Variants in C1orf94 observed in about 807,000 individuals in gnomAD.
C1orf94 encodes uncharacterized protein C1orf94.
In C1orf94, 45 loss-of-function variants were observed where a neutral mutation model predicts 53.6. The observed-to-expected ratio is 0.84, with a 90% confidence interval of 0.66 to 1.08. The LOEUF is 1.08. C1orf94 is among the 50% of genes least tolerant of loss of function. The pLI, the probability that C1orf94 is intolerant of heterozygous loss-of-function variation, is 0.00. For missense variants in C1orf94, 762 were observed against 738.9 expected (o/e 1.03, Z -0.36); for synonymous variants, 304 against 296.1 (o/e 1.03, Z -0.27).
At chr1:34,196,638 G>A (rs187793046) in intron 1 of C1orf94, among the ~76,000 whole-genome samples, 1 of 152,302 alleles carries the variant, frequency 6.6e-6, no homozygotes, top group Non-Finnish European at 1.5e-5. Flanking sequence ...CTAGTAATGA[G>A]AGGAGGAGAC....
intron 1 of C1orf94, among the ~76,000 whole-genome samples, chr1:34,185,963 AC>A (rs1358620430): frequency 6.6e-6 from 1 of 152,092 alleles, no homozygotes; most frequent in Non-Finnish European, 1.5e-5. Context: ...TTATTCCACT[AC>A]CAGGAATGCC....
At chr1:34,168,892 T>TG (rs549937441) in intron 1 of C1orf94, among the ~76,000 whole-genome samples, 2,371 of 152,046 alleles carry the variant, frequency 0.016, 24 homozygotes, top group Non-Finnish European at 0.023. Context: ...TGAATTTGGG[T>TG]GGGGGGGCAC....
rs1642250571 is a variant in C1orf94, at chr1:34,177,708, A to T, written c.-82A>T. The stretch of plus-strand genomic sequence containing the variant: ...TCCCACACAAATAGAAGGCCTCTGA[A>T]CCTAACCACCTTGCTGGAGCGAAAG... On this transcript the variant is annotated 5_prime_UTR_variant, in exon 1 of 7. Transcript: ENST00000488417. 1 of 1,340,172 alleles carries T rather than the reference A, an allele frequency of 7.5e-7. No individual in the cohort carries two copies. The highest frequency in any genetic ancestry group is 2.7e-5 in the Admixed American group (1 of 36,388). The allele number at this position is 1,340,172 out of a possible 1,614,324, so 83.0% of individuals were successfully genotyped here.
Position 34,176,924 on chromosome 1 carries a change from G to T in C1orf94, c.-866G>T, listed in dbSNP as rs1348470045. Among the ~76,000 whole-genome samples, 3 of 151,912 alleles carry T rather than the reference G, an allele frequency of 2.0e-5. No individual in the cohort carries two copies. Among genetic ancestry groups the T allele is most frequent in the African/African-American group, 4.8e-5 (2 of 41,364 alleles). On this transcript the variant is annotated 5_prime_UTR_variant, in exon 1 of 7. Transcript: ENST00000488417. ...GGCGCCCCGCGCACCGAGCCGTTGC[G>T]TTTGAAACCCACAGAAAGAATTCCC... is the stretch of plus-strand genomic sequence containing the variant.
intron 1 of C1orf94, among the ~76,000 whole-genome samples, chr1:34,191,177 T>C (rs1420881598): frequency 6.6e-6 from 1 of 152,142 alleles, no homozygotes; most frequent in East Asian, 1.9e-4. Context: ...TACCAAAGAG[T>C]ATGGATACAG....
Position 34,212,582 on chromosome 1 carries a change from A to G in C1orf94, c.1721+176A>G, listed in dbSNP as rs368250996. 7.9e-5 allele frequency among the ~76,000 whole-genome samples: 12 copies of G among 152,184 alleles called. No individual in the cohort carries two copies. The East Asian group carries it at 1.9e-3, about 25-fold the overall frequency. ...GGTCCTGGAGGGACCTGGTGCAGAG[A>G]TGAAGAGGGTCTGGGGCCTGGTGGG... On this transcript the variant is annotated intron_variant, in intron 6 of 6. Coordinates refer to ENST00000488417, the MANE Select transcript of C1orf94 (RefSeq NM_001134734.2).
At chr1:34,184,543 G>C (rs896858876) in intron 1 of C1orf94, among the ~76,000 whole-genome samples, 2 of 152,198 alleles carry the variant, frequency 1.3e-5, no homozygotes, top group Non-Finnish European at 2.9e-5. Context: ...ATCTGTTTAA[G>C]CATTTTTTGA....
chr1:34,208,353 C>T (rs1557488975), intron 5 of C1orf94, 119 bp downstream of exon 5: 2 of 993,496 alleles, frequency 2.0e-6, no homozygotes, highest in Non-Finnish European at 3.0e-6. Flanking sequence ...ACCATTGGCT[C>T]TGGAGTACAG....
intron 1 of C1orf94, among the ~76,000 whole-genome samples, chr1:34,170,314 G>A (rs1265508081): frequency 6.6e-6 from 1 of 152,164 alleles, no homozygotes; most frequent in African/African-American, 2.4e-5. Context: ...AGAGTTTATT[G>A]AGAACAGCGT....
intron 2 of C1orf94, 89 bp from the exon 3 acceptor site, chr1:34,200,683 G>C: frequency 6.5e-7 from 1 of 1,544,664 alleles, no homozygotes; most frequent in Non-Finnish European, 8.8e-7. Context: ...GTGCTGCAGA[G>C]GATTCATCAT....
chr1:34,201,007 G>A lies in C1orf94; in HGVS notation c.1245G>A (p.Val415=). ...GGCAGCCGAGACTTCGAAACAAAGTGGAAGTGGATGGGCCGGAGCTGAAAT... is the reference window on the plus strand; with the variant it reads ...GGCAGCCGAGACTTCGAAACAAAGTAGAAGTGGATGGGCCGGAGCTGAAAT... ...PSGQPRLRNK[V]EVDGPELKFN... The change falls in exon 3 of 7, where the codon GTG becomes GTA. Residue 415 remains valine, a synonymous_variant. Transcript: ENST00000488417. The A allele has an allele frequency of 6.2e-7, 1 of 1,604,330 alleles. No homozygotes were observed. Among genetic ancestry groups the A allele is most frequent in the Middle Eastern group, 1.7e-4 (1 of 6,042 alleles).
chr1:34,209,101 G>A (rs1324299798), intron 5 of C1orf94, among the ~76,000 whole-genome samples: 1 of 152,148 alleles, frequency 6.6e-6, no homozygotes, highest in South Asian at 2.1e-4. Flanking sequence ...TGGGTGTCCT[G>A]TATTTTTATT....
At chr1:34,168,404 G>A (rs1379915998) in intron 1 of C1orf94, among the ~76,000 whole-genome samples, 1 of 152,166 alleles carries the variant, frequency 6.6e-6, no homozygotes, top group Admixed American at 6.6e-5. Context: ...GGGGCCAGGA[G>A]GAGGAGGATG....
upstream of C1orf94, among the ~76,000 whole-genome samples, chr1:34,175,950 G>A (rs1485882557): frequency 6.6e-6 from 1 of 152,026 alleles, no homozygotes; most frequent in Non-Finnish European, 1.5e-5. Flanking sequence ...CAACCTAATA[G>A]TTATTTTCCA....
chr1:34,208,632 C>A (rs1642840096), intron 5 of C1orf94, among the ~76,000 whole-genome samples: 1 of 152,208 alleles, frequency 6.6e-6, no homozygotes, highest in African/African-American at 2.4e-5. Flanking sequence ...ATAACCGCCA[C>A]ATCTCGGGGA....
At chr1:34,189,622 G>T (rs1642449741) in intron 1 of C1orf94, among the ~76,000 whole-genome samples, 1 of 148,290 alleles carries the variant, frequency 6.7e-6, no homozygotes, top group Admixed American at 6.7e-5. Flanking sequence ...GCCTGAGCCA[G>T]GGTGGGCTCC....
upstream of C1orf94, among the ~76,000 whole-genome samples, chr1:34,176,265 A>G (rs999473715): frequency 6.6e-6 from 1 of 152,116 alleles, no homozygotes; most frequent in Non-Finnish European, 1.5e-5. Flanking sequence ...ATTTGTGTCC[A>G]TTCTTCTTTC....
At position 34,197,425 on chromosome 1, in the gene C1orf94, C is replaced by T. The variant is rs1268999019; in HGVS notation, c.521C>T (p.Pro174Leu). The T allele has an allele frequency of 6.2e-7, 1 of 1,613,948 alleles. No homozygotes were observed. Among genetic ancestry groups the T allele is most frequent in the Admixed American group, 1.7e-5 (1 of 60,014 alleles). Residue 174 changes from proline to leucine, a missense_variant, in exon 2 of 7, where the codon CCC becomes CTC. By Grantham distance (98) the Pro-to-Leu change is moderately conservative. Transcript: ENST00000488417. This position sits in a 1 kb window ranked among gnomAD's most constrained non-coding sequence, Gnocchi z 4.1. ...PPLVAGSNER[P>L]RASIIVGDKL... ...CTAGTGGCAGGCAGTAATGAGCGCC[C>T]CAGAGCCTCCATCATTGTCGGAGAC... is the stretch of plus-strand genomic sequence containing the variant.
intron 6 of C1orf94, among the ~76,000 whole-genome samples, chr1:34,214,022 C>T (rs1642943039): frequency 6.6e-6 from 1 of 152,188 alleles, no homozygotes; most frequent in Non-Finnish European, 1.5e-5. Flanking sequence ...TGAATTTAGC[C>T]TGCAGGGGAC....
Sources: allele counts gnomAD v4.1 joint callset (sites outside exome capture counted in the v4.1 genomes callset), GRCh38; gene constraint gnomAD v4.1.1; non-coding constraint Gnocchi (gnomAD v3.1); transcripts MANE v1.5; gene names NCBI Gene and HGNC (gene_info 2026-07-23, HGNC 2026-07-21).